COL1A1: variants seen among roughly 807,000 people sequenced by gnomAD.
COL1A1 encodes the protein collagen alpha-1(I) chain.
COL1A1 carries 21 observed loss-of-function variants against 195.7 expected under a neutral mutation model. The observed-to-expected ratio is 0.11, with a 90% CI of 0.08 to 0.15. The LOEUF (loss-of-function observed/expected upper bound fraction) is 0.15. COL1A1 is among the 10% of genes least tolerant of loss of function. COL1A1 has a pLI of 1.00. For missense variants in COL1A1, 1,365 were observed against 2,051.0 expected, an observed-to-expected ratio of 0.67 and a Z score of 6.46; for synonymous variants, 749 against 747.3, an observed-to-expected ratio of 1.00 and a Z score of -0.04.
At chr17:50,199,204 C>T (rs1396795798) in intron 5 of COL1A1, 22 bp downstream of exon 5, 4 of 1,436,144 alleles carry the variant, frequency 2.8e-6, no homozygotes, top group Non-Finnish European at 2.7e-6. Flanking sequence ...GGAGAGTGGA[C>T]ACACAAGGCC....
chr17:50,194,442 G>A lies in COL1A1; in HGVS notation c.1521C>T (p.Pro507=), dbSNP rs1423572929. 8.1e-6 allele frequency: 13 copies of A among 1,613,706 alleles called. No individual in the cohort carries two copies. Among genetic ancestry groups the A allele is most frequent in the Non-Finnish European group, 1.0e-5 (12 of 1,179,914 alleles). Reference sequence around the variant, plus strand: ...GGCCAGGAGAACCACGTTCACCAGCGGGACCCTGGTTGGGGGAAGTCACAG... The same window carrying A: ...GGCCAGGAGAACCACGTTCACCAGCAGGACCCTGGTTGGGGGAAGTCACAG... ...GADGVAGPKG[P]AGERGSPGPA... is the part of the protein sequence containing the mutation. Residue 507 remains proline (P), a synonymous_variant, in exon 23 of 51, where the codon CCC becomes CCT. Transcript: ENST00000225964. This position sits in a 1 kb window ranked among gnomAD's most constrained non-coding sequence, Gnocchi z 6.8.
intron 11 of COL1A1, among the ~76,000 whole-genome samples, 166 bp downstream of exon 11, chr17:50,196,844 C>A (rs1432919105): frequency 6.6e-6 from 1 of 152,220 alleles, no homozygotes; most frequent in Non-Finnish European, 1.5e-5. Flanking sequence ...ATCGGGACTG[C>A]TTTCCCATGG....
Position 50,190,571 on chromosome 17 carries a change from G to T in COL1A1, c.2369C>A (p.Ala790Asp). ...DKGESGPSGP[A>D]GPTGARGAPG... The stretch of plus-strand genomic sequence containing the variant: ...GGCACCACGAGCTCCAGTGGGACCA[G>T]CAGGGCCGCTGGGACCACTTTCACC... Residue 790 changes from alanine (A) to aspartate (D), a missense_variant, in exon 34 of 51, where the codon GCT (alanine) becomes GAT (aspartate). This residue lies in a region of COL1A1 where 671 missense variants were observed against 1,099.9 expected (regional missense o/e 0.61). Coordinates refer to ENST00000225964, the MANE Select transcript of COL1A1 (RefSeq NM_000088.4). This position sits in a 1 kb window ranked among gnomAD's most constrained non-coding sequence, Gnocchi z 4.7. 6.2e-7 allele frequency: 1 copy of T among 1,613,216 alleles called. No individual in the cohort carries two copies. Among genetic ancestry groups the T allele is most frequent in the Non-Finnish European group, 8.5e-7 (1 of 1,179,466 alleles).
intron 46 of COL1A1, 54 bp from the exon 47 acceptor site, chr17:50,187,176 G>T: frequency 7.0e-7 from 1 of 1,418,634 alleles, no homozygotes; most frequent in Admixed American, 2.0e-5. Flanking sequence ...AACAACCCCA[G>T]CTCTGGAGGA....
Position 50,195,594 on chromosome 17 carries a change from A to AG in COL1A1, c.1127dup (p.Gly377TrpfsTer15), listed in dbSNP as rs72645369. 1 of 1,613,980 alleles carries AG rather than the reference A, an allele frequency of 6.2e-7. No individual in the cohort carries two copies. Among genetic ancestry groups the AG allele is most frequent in the Non-Finnish European group, 8.5e-7 (1 of 1,179,932 alleles). On this transcript the variant is annotated frameshift_variant, in exon 17 of 51. Transcript: ENST00000225964. LOFTEE classifies it high-confidence loss of function. This position sits in a 1 kb window ranked among gnomAD's most constrained non-coding sequence, Gnocchi z 4.3. The stretch of plus-strand genomic sequence containing the variant: ...CAGGGCCAGCAGCACCAGCAGGGCC[A>AG]GGGGGGCCAGGCTCACCACGCACAC...
In COL1A1 at chr17:50,189,633, C is replaced by G; in HGVS notation, c.2667+46G>C. On this transcript the variant is annotated intron_variant, in intron 38 of 50. Transcript: ENST00000225964. The surrounding 1 kb of genome is among the most constrained non-coding windows in gnomAD (Gnocchi z 5.5). ...CCACCATCCTTCTGGCAGCCCCCAC[C>G]CAGCACCCCCAACCTAGAGCAGTGG... The G allele has an allele frequency of 6.2e-7, 1 of 1,613,004 alleles. No homozygotes were observed. The highest frequency in any genetic ancestry group is 8.5e-7 in the Non-Finnish European group (1 of 1,179,474).
rs1200991720 is a variant in COL1A1, at chr17:50,198,718, ATCAAAAC to A, written c.472-221_472-215del. On this transcript the variant is annotated intron_variant, in intron 5 of 50. Transcript: ENST00000225964. The stretch of plus-strand genomic sequence containing the variant: ...GACAGTCTGCAAAACAACTGGACTC[ATCAAAAC>A]TCCCAGTGCCACTAAAGACAAAGAA... 102 of 585,100 alleles carry A rather than the reference ATCAAAAC, an allele frequency of 1.7e-4. No individual in the cohort carries two copies. In the African/African-American group the frequency reaches 1.8e-3, roughly 10 times the overall value. 36.2% of individuals were successfully genotyped at this position (585,100 alleles called of 1,614,324 possible). A position where few individuals can be genotyped will look rare whatever the true frequency, so the allele number is the denominator to read the frequency against.
intron 25 of COL1A1, 144 bp from the exon 26 acceptor site, chr17:50,193,191 G>A: frequency 1.2e-6 from 1 of 802,200 alleles, no homozygotes; most frequent in Non-Finnish European, 2.0e-6. Context: ...CCCTGCAGGT[G>A]CTTCTTGCTG....
Position 50,192,377 on chromosome 17 carries a change from T to A in COL1A1, c.1983+98A>T, listed in dbSNP as rs1467092200. Reference sequence around the variant, plus strand: ...AGTTCTTTCCGGCGTCTAACCTCAATCCCTCTAGTTGATGGCTGTCTGATT... The same window carrying A: ...AGTTCTTTCCGGCGTCTAACCTCAAACCCTCTAGTTGATGGCTGTCTGATT... On this transcript the variant is annotated intron_variant, in intron 29 of 50. Transcript: ENST00000225964. The A allele has an allele frequency of 2.2e-6, 3 of 1,364,280 alleles. No homozygotes were observed. In the East Asian group the frequency reaches 7.5e-5, roughly 34 times the overall value. 84.5% of individuals were successfully genotyped at this position (1,364,280 alleles called of 1,614,324 possible).
Position 50,188,220 on chromosome 17 carries a change from C to T in COL1A1, c.3208-71G>A. On this transcript the variant is annotated intron_variant, in intron 43 of 50. Coordinates refer to ENST00000225964, the MANE Select transcript of COL1A1 (RefSeq NM_000088.4). This position sits in a 1 kb window ranked among gnomAD's most constrained non-coding sequence, Gnocchi z 5.6. ...AGGCTGGGGCTGCAGGATGAGGCCT[C>T]CCCTCTGCTGGATCTCTCTCTCCTC... is the stretch of plus-strand genomic sequence containing the variant. The T allele has an allele frequency of 2.9e-6, 4 of 1,371,170 alleles. No homozygotes were observed. The highest frequency in any genetic ancestry group is 4.0e-6 in the Non-Finnish European group (4 of 1,009,096). 84.9% of individuals were successfully genotyped at this position (1,371,170 alleles called of 1,614,324 possible).
Position 50,195,107 on chromosome 17 carries a change from G to T in COL1A1, c.1300-7C>A, listed in dbSNP as rs1187331082. The T allele has an allele frequency of 3.1e-6, 5 of 1,613,468 alleles. No individual in the cohort carries two copies. The highest frequency in any genetic ancestry group is 1.1e-5 in the South Asian group (1 of 91,056). On this transcript the variant is annotated splice_region_variant and splice_polypyrimidine_tract_variant and intron_variant, in intron 19 of 50. Transcript: ENST00000225964. This position sits in a 1 kb window ranked among gnomAD's most constrained non-coding sequence, Gnocchi z 4.3. Reference sequence around the variant, plus strand: ...CAGGAGCACCAGGTTCACCCTGCAAGGGGGGAGAAGAGGATGAGCTGAGAG... The same window carrying T: ...CAGGAGCACCAGGTTCACCCTGCAATGGGGGAGAAGAGGATGAGCTGAGAG...
At position 50,195,141 on chromosome 17, in the gene COL1A1, G is replaced by A. The variant is rs775041050; in HGVS notation, c.1300-41C>T. 1.2e-5 allele frequency: 19 copies of A among 1,607,298 alleles called. No individual in the cohort carries two copies. The highest frequency in any genetic ancestry group is 1.7e-4 in the Middle Eastern group (1 of 6,026). On this transcript the variant is annotated intron_variant, in intron 19 of 50. Transcript: ENST00000225964. The surrounding 1 kb of genome is among the most constrained non-coding windows in gnomAD (Gnocchi z 4.3). ...AGAGGATGAGCTGAGAGTCGGGGGC[G>A]CTCAGTTGGCCTGCGTCTTCCTGCT...
chr17:50,184,880 C>T lies in COL1A1; in HGVS notation c.*622G>A. On this transcript the variant is annotated 3_prime_UTR_variant, in exon 51 of 51. Coordinates refer to ENST00000225964, the MANE Select transcript of COL1A1 (RefSeq NM_000088.4). ...GGGCTGGTGGCTCCCCCGGCATGAC[C>T]CCCTCAAAAACGAAGGGGAGATGTT... 4.3e-6 allele frequency: 1 copy of T among 230,126 alleles called. No homozygotes were observed. The allele number at this position is 230,126 out of a possible 1,614,324, so 14.3% of individuals were successfully genotyped here.
At chr17:50,187,443 G>A (rs780898512) in intron 46 of COL1A1, 41 bp downstream of exon 46, 3 of 1,608,630 alleles carry the variant, frequency 1.9e-6, no homozygotes, top group Non-Finnish European at 2.6e-6. Context: ...GGTGAGCCTG[G>A]GCTTGGGGCT....
rs1256678759 is a variant in COL1A1, at chr17:50,188,048, T to C, written c.3261+48A>G. 8 of 1,613,536 alleles carry C rather than the reference T, an allele frequency of 5.0e-6. No homozygotes were observed. The highest frequency in any genetic ancestry group is 6.8e-6 in the Non-Finnish European group (8 of 1,179,678). On this transcript the variant is annotated intron_variant, in intron 44 of 50. Transcript: ENST00000225964. This position sits in a 1 kb window ranked among gnomAD's most constrained non-coding sequence, Gnocchi z 5.6. ...CATTGGCATCGAGTGGGGCACTGTC[T>C]GCATCTGTAGAGTTCTAAAGGCATG...
rs1228487830 is a variant in COL1A1 at position 50,197,241 on chromosome 17, G to A, written c.697-8C>T. On this transcript the variant is annotated splice_region_variant and splice_polypyrimidine_tract_variant and intron_variant, in intron 9 of 50. Coordinates refer to ENST00000225964, the MANE Select transcript of COL1A1 (RefSeq NM_000088.4). ...AGGTTTTCCAGCTTCCCCCTGAGAG[G>A]GAGAGAAAAGACCATCATGCCTCTG... The A allele has an allele frequency of 6.2e-7, 1 of 1,612,416 alleles. No homozygotes were observed. The highest frequency in any genetic ancestry group is 1.7e-5 in the Admixed American group (1 of 60,010).
At position 50,194,657 on chromosome 17, in the gene COL1A1, G is replaced by A. The variant is rs774635267; in HGVS notation, c.1462-31C>T. The A allele has an allele frequency of 8.3e-6, 13 of 1,557,186 alleles. No individual in the cohort carries two copies. The highest frequency in any genetic ancestry group is 3.5e-5 in the South Asian group (3 of 85,014). On this transcript the variant is annotated intron_variant, in intron 21 of 50. Coordinates refer to ENST00000225964, the MANE Select transcript of COL1A1 (RefSeq NM_000088.4). This position sits in a 1 kb window ranked among gnomAD's most constrained non-coding sequence, Gnocchi z 6.8. ...GGAGGAGAGGAGGCCAGTGAACTCC[G>A]CGACACACAGGCACCAGCCAGGCAA... is the stretch of plus-strand genomic sequence containing the variant.
chr17:50,200,270 CG>C (rs1299192992), intron 1 of COL1A1: 1 of 391,926 alleles, frequency 2.6e-6, no homozygotes, highest in East Asian at 5.4e-5. Flanking sequence ...AGGGGGAGGG[CG>C]GGGGGAGAAT....
At chr17:50,185,700 G>A (rs141910281) in intron 50 of COL1A1, 52 bp from the exon 51 acceptor site, 11 of 1,612,188 alleles carry the variant, frequency 6.8e-6, no homozygotes, top group Non-Finnish European at 9.3e-6. Context: ...GGGAGTGATG[G>A]AGAGAGGGCA....
Sources: allele counts gnomAD v4.1 joint callset (sites outside exome capture counted in the v4.1 genomes callset), GRCh38; gene constraint gnomAD v4.1.1; regional missense constraint gnomAD v4.1.1; non-coding constraint Gnocchi (gnomAD v3.1); transcripts MANE v1.5; gene names NCBI Gene and HGNC (gene_info 2026-07-23, HGNC 2026-07-21).